YIPF7: variants seen among roughly 807,000 people sequenced by gnomAD.
YIPF7 encodes Yip1 domain family member 7, also known as protein YIPF7.
Under a neutral mutation model 27.2 loss-of-function variants are expected in YIPF7, and 35 were observed. The observed-to-expected ratio is 1.29, with a 90% CI of 0.98 to 1.70. The LOEUF is 1.70. YIPF7 is among the 40% of genes most tolerant of loss of function. The pLI, the probability that YIPF7 is intolerant of heterozygous loss-of-function variation, is 0.00. For missense variants in YIPF7, 358 were observed against 303.7 expected (o/e 1.18, Z -1.33); for synonymous variants, 137 against 110.4 (o/e 1.24, Z -1.51).
chr4:44,637,710 G>A (rs545293659), intron 2 of YIPF7, among the ~76,000 whole-genome samples: 2 of 152,200 alleles, frequency 1.3e-5, no homozygotes, highest in East Asian at 3.9e-4. Flanking sequence ...AGTATACACT[G>A]AACCCAATTT....
chr4:44,636,727 A>G (rs1405099318), intron 2 of YIPF7, among the ~76,000 whole-genome samples: 2 of 152,160 alleles, frequency 1.3e-5, no homozygotes, highest in Admixed American at 6.5e-5. Context: ...TCCTAGCTAA[A>G]TGTATTATCT....
intron 3 of YIPF7, among the ~76,000 whole-genome samples, chr4:44,630,433 G>A (rs1028764709): frequency 6.6e-6 from 1 of 152,160 alleles, no homozygotes; most frequent in Non-Finnish European, 1.5e-5. Flanking sequence ...CTAAATGCTT[G>A]AAACTACACA....
At chr4:44,653,513 T>G (rs1187099497), upstream of YIPF7, among the ~76,000 whole-genome samples, 3 of 151,958 alleles carry the variant, frequency 2.0e-5, no homozygotes, top group Admixed American at 6.6e-5. Flanking sequence ...GTAGTATCAG[T>G]AAAAAGAAAA....
intron 2 of YIPF7, among the ~76,000 whole-genome samples, chr4:44,658,079 TA>T (rs1713949103): frequency 6.6e-6 from 1 of 152,114 alleles, no homozygotes; most frequent in Non-Finnish European, 1.5e-5. Context: ...ATACAATTTT[TA>T]AAAGGTGTTA....
At chr4:44,624,957 A>G (rs887639094) in intron 4 of YIPF7, among the ~76,000 whole-genome samples, 175 bp from the exon 5 acceptor site, 1 of 152,226 alleles carries the variant, frequency 6.6e-6, no homozygotes, top group African/African-American at 2.4e-5. Flanking sequence ...GTTTGAATTC[A>G]GATTCTGAAA....
chr4:44,625,030 T>C (rs1413938708), intron 4 of YIPF7, among the ~76,000 whole-genome samples: 1 of 152,210 alleles, frequency 6.6e-6, no homozygotes, highest in African/African-American at 2.4e-5. Context: ...TGAATATTTC[T>C]AGACTTATAT....
upstream of YIPF7, among the ~76,000 whole-genome samples, chr4:44,656,449 C>T (rs1235083737): frequency 6.6e-6 from 1 of 151,960 alleles, no homozygotes; most frequent in Non-Finnish European, 1.5e-5. Flanking sequence ...TGTTTCACAA[C>T]ATATCAAGAT....
chr4:44,639,822 G>A (rs1156640717), intron 2 of YIPF7, among the ~76,000 whole-genome samples: 1 of 152,102 alleles, frequency 6.6e-6, no homozygotes, highest in Non-Finnish European at 1.5e-5. Context: ...GATGTTATCT[G>A]TGGATTTGTC....
intron 3 of YIPF7, among the ~76,000 whole-genome samples, chr4:44,630,921 T>C (rs1421772622): frequency 1.3e-5 from 2 of 152,246 alleles, no homozygotes; most frequent in South Asian, 2.1e-4. Context: ...AGCAATCAAA[T>C]TGGTTATCCT....
At chr4:44,661,900 A>C (rs1473044328) in intron 1 of YIPF7, among the ~76,000 whole-genome samples, 1 of 152,228 alleles carries the variant, frequency 6.6e-6, no homozygotes, top group East Asian at 1.9e-4. Context: ...CACCATCTCT[A>C]GCCAGCAGAT....
At chr4:44,624,909 T>A in intron 4 of YIPF7, 127 bp from the exon 5 acceptor site, 2 of 822,466 alleles carry the variant, frequency 2.4e-6, no homozygotes, top group Non-Finnish European at 3.6e-6. Context: ...AGGACTGTCA[T>A]CAGGAGACTG....
intron 1 of YIPF7, among the ~76,000 whole-genome samples, chr4:44,650,482 G>GGCGCACACACATGCGCGC (rs1437503062): frequency 7.5e-6 from 1 of 133,958 alleles, no homozygotes; most frequent in African/African-American, 3.0e-5. Context: ...ATTTTAAGCA[G>GGCGCACACACATGCGCGC]GCGCACACAC....
chr4:44,649,516 A>C (rs1332628665), intron 2 of YIPF7, among the ~76,000 whole-genome samples: 2 of 152,180 alleles, frequency 1.3e-5, no homozygotes, highest in Non-Finnish European at 2.9e-5. Context: ...AATGCTTATA[A>C]TCCAAACACT....
At chr4:44,656,187 A>G (rs1448072409), upstream of YIPF7, among the ~76,000 whole-genome samples, 1 of 152,036 alleles carries the variant, frequency 6.6e-6, no homozygotes, top group Non-Finnish European at 1.5e-5. Flanking sequence ...TGAGTTGTAC[A>G]TTCTTAGTAA....
chr4:44,650,842 A>AAAAAT (rs1269495490), intron 1 of YIPF7, among the ~76,000 whole-genome samples: 2 of 152,158 alleles, frequency 1.3e-5, no homozygotes, highest in Non-Finnish European at 2.9e-5. Flanking sequence ...TACCAGAGGG[A>AAAAAT]AAAATAAAGA....
At chr4:44,633,458 T>A (rs1213750691) in intron 3 of YIPF7, among the ~76,000 whole-genome samples, 1 of 151,930 alleles carries the variant, frequency 6.6e-6, no homozygotes. Context: ...AATAAATAAA[T>A]CCTTACTTCA....
intron 1 of YIPF7, among the ~76,000 whole-genome samples, chr4:44,650,472 A>T (rs1713689809): frequency 1.4e-5 from 2 of 146,002 alleles, no homozygotes; most frequent in Non-Finnish European, 3.0e-5. Context: ...GATGTTCTTC[A>T]TTTTAAGCAG....
At chr4:44,632,931 T>C (rs575428887) in intron 3 of YIPF7, among the ~76,000 whole-genome samples, 1 of 152,218 alleles carries the variant, frequency 6.6e-6, no homozygotes, top group African/African-American at 2.4e-5. Flanking sequence ...CCATGGCCTG[T>C]TAGGAACCGG....
chr4:44,658,520 G>A (rs555739322), intron 2 of YIPF7, among the ~76,000 whole-genome samples: 1 of 152,134 alleles, frequency 6.6e-6, no homozygotes, highest in Non-Finnish European at 1.5e-5. Flanking sequence ...GTTGTTATAA[G>A]ATCAGAGAAA....
Sources: allele counts gnomAD v4.1 joint callset (sites outside exome capture counted in the v4.1 genomes callset), GRCh38; gene constraint gnomAD v4.1.1; transcripts MANE v1.5; gene names NCBI Gene and HGNC (gene_info 2026-07-23, HGNC 2026-07-21).